Variants in OSBP2 observed in about 807,000 individuals in gnomAD.
The protein encoded by OSBP2 is oxysterol binding protein 2, also known as oxysterol-binding protein 2.
OSBP2 carries 66 observed loss-of-function variants against 96.0 expected under a neutral mutation model. The ratio of observed to expected loss-of-function variants is 0.69; its 90% confidence interval spans 0.56 to 0.84. OSBP2 has a LOEUF of 0.84. Among genes scored for constraint, OSBP2 ranks in the 40% least tolerant of loss-of-function variants. OSBP2 has a pLI of 0.00. For synonymous variants in OSBP2, 525 were observed against 520.9 expected, an observed-to-expected ratio of 1.01 and a Z score of -0.11; for missense variants, 1,038 against 1,222.7, an observed-to-expected ratio of 0.85 and a Z score of 2.25.
At chr22:30,860,506 G>A (rs917586974) in intron 2 of OSBP2, among the ~76,000 whole-genome samples, 8 of 152,232 alleles carry the variant, frequency 5.3e-5, no homozygotes, top group South Asian at 2.1e-4. Context: ...GGCTCACTTC[G>A]CGCCAGAGGA....
At chr22:30,820,453 C>T (rs866063652) in intron 2 of OSBP2, among the ~76,000 whole-genome samples, 13 of 151,724 alleles carry the variant, frequency 8.6e-5, no homozygotes, top group African/African-American at 3.2e-4. Flanking sequence ...CCAGACCCCC[C>T]GCCACCTCAT....
At chr22:30,756,607 C>T (rs929509635) in intron 2 of OSBP2, among the ~76,000 whole-genome samples, 2 of 152,114 alleles carry the variant, frequency 1.3e-5, no homozygotes, top group African/African-American at 4.8e-5. Context: ...GCAGAAGAAT[C>T]GTTCGAACCC....
intron 2 of OSBP2, chr22:30,764,116 G>A (rs2090240442): frequency 8.6e-6 from 3 of 346,916 alleles, no homozygotes; most frequent in Non-Finnish European, 1.2e-5. Flanking sequence ...CACTTCTGGG[G>A]GGCTAGCCTA....
At chr22:30,781,853 A>G (rs912568162) in intron 2 of OSBP2, among the ~76,000 whole-genome samples, 2 of 152,094 alleles carry the variant, frequency 1.3e-5, no homozygotes, top group African/African-American at 4.8e-5. Flanking sequence ...TGTCTTAAAA[A>G]CCAAAGTCAT....
At chr22:30,823,011 G>T (rs1602315197) in intron 2 of OSBP2, among the ~76,000 whole-genome samples, 2 of 152,256 alleles carry the variant, frequency 1.3e-5, no homozygotes, top group East Asian at 1.9e-4. Flanking sequence ...GAAGGGGGAA[G>T]CGGTGGTCGG....
intron 2 of OSBP2, among the ~76,000 whole-genome samples, chr22:30,743,034 C>T (rs2089959892): frequency 6.6e-6 from 1 of 152,188 alleles, no homozygotes; most frequent in African/African-American, 2.4e-5. Flanking sequence ...AAAAATGTGT[C>T]TACACATGCA....
At chr22:30,879,150 C>G (rs535934655) in intron 3 of OSBP2, among the ~76,000 whole-genome samples, 3 of 152,338 alleles carry the variant, frequency 2.0e-5, no homozygotes, top group Non-Finnish European at 4.4e-5. Flanking sequence ...ACGTGGGGCT[C>G]CTTAGGCCAA....
chr22:30,694,434 C>T, upstream of OSBP2: 2 of 1,401,838 alleles, frequency 1.4e-6, no homozygotes, highest in Non-Finnish European at 1.9e-6. Flanking sequence ...GGTGCCGTAC[C>T]TGCTTCCCAC....
chr22:30,805,252 T>C (rs2090912764), intron 2 of OSBP2, among the ~76,000 whole-genome samples: 1 of 152,196 alleles, frequency 6.6e-6, no homozygotes, highest in Non-Finnish European at 1.5e-5. Flanking sequence ...ATGAACACTA[T>C]TTCTGTCTGG....
At position 30,729,185 on chromosome 22, in the gene OSBP2, A is replaced by C. The variant is rs565031925; in HGVS notation, c.645-11976A>C. Among the ~76,000 whole-genome samples the C allele has an allele frequency of 3.9e-4, 59 of 152,324 alleles. No individual in the cohort carries two copies. The South Asian group carries it at 0.011, about 28-fold the overall frequency. On this transcript the variant is annotated intron_variant, in intron 1 of 13. Coordinates refer to ENST00000332585, the MANE Select transcript of OSBP2 (RefSeq NM_030758.4). ...TCATTTCCTAGTATAAAGGTTCCCC[A>C]AAAAATTAAAAATAGAACTACCATA...
At chr22:30,792,607 G>A (rs1480228347) in intron 2 of OSBP2, among the ~76,000 whole-genome samples, 1 of 152,178 alleles carries the variant, frequency 6.6e-6, no homozygotes, top group African/African-American at 2.4e-5. Flanking sequence ...AAAGTCAGAT[G>A]AATAGAAGTA....
At position 30,906,426 on chromosome 22, in the gene OSBP2, C is replaced by T. The variant is rs1480349548; in HGVS notation, c.*87C>T. Reference sequence around the variant, plus strand: ...CTCAATTTAGTACTGAATGGTCTTTCTCCCAGCCCATTCCCAGCCCTTCCT... The same window carrying T: ...CTCAATTTAGTACTGAATGGTCTTTTTCCCAGCCCATTCCCAGCCCTTCCT... On this transcript the variant is annotated 3_prime_UTR_variant, in exon 14 of 14. Coordinates refer to ENST00000332585, the MANE Select transcript of OSBP2 (RefSeq NM_030758.4). The T allele has an allele frequency of 2.1e-6, 3 of 1,400,384 alleles. No homozygotes were observed. Among genetic ancestry groups the T allele is most frequent in the Non-Finnish European group, 2.9e-6 (3 of 1,051,570 alleles). 86.7% of individuals were successfully genotyped at this position (1,400,384 alleles called of 1,614,324 possible). A position where few individuals can be genotyped will look rare whatever the true frequency, so the allele number is the denominator to read the frequency against.
chr22:30,725,560 AC>A (rs201895466), intron 1 of OSBP2, among the ~76,000 whole-genome samples: 4 of 150,184 alleles, frequency 2.7e-5, no homozygotes, highest in South Asian at 2.1e-4. Context: ...AAAAAAACAC[AC>A]AAAAAAAACA....
intron 2 of OSBP2, among the ~76,000 whole-genome samples, chr22:30,763,471 AC>A: frequency 6.6e-6 from 1 of 152,210 alleles, no homozygotes; most frequent in East Asian, 1.9e-4. Context: ...ACATGGTGAA[AC>A]CTGTTTCTAC....
At chr22:30,785,889 C>T (rs950332443) in intron 2 of OSBP2, among the ~76,000 whole-genome samples, 17 of 152,170 alleles carry the variant, frequency 1.1e-4, no homozygotes, top group African/African-American at 3.9e-4. Flanking sequence ...TTGCTTTCCA[C>T]CATGATTATA....
At chr22:30,893,758 G>A in intron 11 of OSBP2, 25 bp downstream of exon 11, 1 of 1,613,198 alleles carries the variant, frequency 6.2e-7, no homozygotes, top group Non-Finnish European at 8.5e-7. Flanking sequence ...CCACCTCTAA[G>A]CACCCCAGGG....
chr22:30,838,621 A>G (rs1363226468), intron 2 of OSBP2, among the ~76,000 whole-genome samples: 2 of 152,118 alleles, frequency 1.3e-5, no homozygotes, highest in Non-Finnish European at 2.9e-5. Context: ...ATCTCTTATC[A>G]AGTTGAGCAA....
In OSBP2 at chr22:30,707,367, G is replaced by A. The variant is rs950651189; in HGVS notation, c.644+11814G>A. 5.3e-5 allele frequency among the ~76,000 whole-genome samples: 8 copies of A among 152,110 alleles called. No homozygotes were observed. The East Asian group carries it at 1.4e-3, about 26-fold the overall frequency. The stretch of plus-strand genomic sequence containing the variant: ...CCACCTTGACCTCCCAAAGTGTTAG[G>A]ATTACAGGCGTGAGCCACCGTGCCC... On this transcript the variant is annotated intron_variant, in intron 1 of 13. Transcript: ENST00000332585.
intron 2 of OSBP2, among the ~76,000 whole-genome samples, chr22:30,778,483 T>C (rs2090468867): frequency 6.6e-6 from 1 of 152,090 alleles, no homozygotes; most frequent in Admixed American, 6.6e-5. Flanking sequence ...TATCCTGCCG[T>C]CCAGTGGTTG....
Sources: gnomAD v4.1 joint callset for allele counts (sites outside exome capture counted in the v4.1 genomes callset) on GRCh38, gnomAD v4.1.1 for gene constraint, MANE v1.5 for transcripts, NCBI Gene and HGNC (gene_info 2026-07-23, HGNC 2026-07-21) for gene names.